The following ADGRL3 variants were observed in gnomAD, a reference collection of about 807,000 sequenced individuals.
The protein encoded by ADGRL3 is calcium-independent alpha-latrotoxin receptor 3.
Under a neutral mutation model 153.5 loss-of-function variants are expected in ADGRL3, and 62 were observed. The ratio of observed to expected loss-of-function variants is 0.40; its 90% CI spans 0.33 to 0.50. ADGRL3 has a LOEUF of 0.50. ADGRL3 is among the 20% of genes least tolerant of loss of function. ADGRL3 has a pLI of 0.47. For synonymous variants in ADGRL3, 710 were observed against 672.5 expected (o/e 1.06, Z -0.86); for missense variants, 1,641 against 1,859.4 (o/e 0.88, Z 2.16).
chr4:61,255,148 GAC>G (rs2091837162), intron 1 of ADGRL3, among the ~76,000 whole-genome samples: 1 of 152,136 alleles, frequency 6.6e-6, no homozygotes, highest in Non-Finnish European at 1.5e-5. Context: ...ATTTGTTGCT[GAC>G]AGTCAGGGTT....
chr4:61,963,154 A>AT (rs929678560), intron 17 of ADGRL3, among the ~76,000 whole-genome samples: 1 of 150,028 alleles, frequency 6.7e-6, no homozygotes, highest in African/African-American at 2.4e-5. Flanking sequence ...TGCAATATAT[A>AT]TTTTTTCAAT....
At position 61,643,828 on chromosome 4, in the gene ADGRL3, C is replaced by T. The variant is rs1480009270; in HGVS notation, c.474-32998C>T. ...TAAAATGAGTTAGGGAGGATTCCCT[C>T]TTTTTCTATTGATTGGAATAGTTTC... is the stretch of plus-strand genomic sequence containing the variant. On this transcript the variant is annotated intron_variant, in intron 5 of 26. Coordinates refer to ENST00000683033, the MANE Select transcript of ADGRL3 (RefSeq NM_001387552.1). Among the ~76,000 whole-genome samples the T allele has an allele frequency of 3.5e-3, 512 of 146,758 alleles. 20 individuals are homozygous for T. The highest frequency in any genetic ancestry group is 0.03 in the Admixed American group (437 of 14,422).
At chr4:61,296,824 G>T (rs558545753) in intron 1 of ADGRL3, among the ~76,000 whole-genome samples, 11 of 152,072 alleles carry the variant, frequency 7.2e-5, no homozygotes, top group African/African-American at 2.7e-4. Flanking sequence ...ATATTACTTC[G>T]TGAAAGAAGC....
intron 12 of ADGRL3, 46 bp downstream of exon 12, chr4:61,909,791 G>A (rs1370943827): frequency 2.9e-6 from 4 of 1,382,640 alleles, no homozygotes; most frequent in South Asian, 2.9e-5. Flanking sequence ...GTGTGTGTGT[G>A]TGTGTGTGTG....
chr4:61,375,596 T>G (rs565847523), intron 1 of ADGRL3, among the ~76,000 whole-genome samples: 21 of 152,260 alleles, frequency 1.4e-4, no homozygotes, highest in Admixed American at 1.2e-3. Flanking sequence ...AATGGTAGAG[T>G]GCTTAAATAA....
chr4:61,834,311 A>G (rs567525913), intron 9 of ADGRL3, among the ~76,000 whole-genome samples: 1 of 152,208 alleles, frequency 6.6e-6, no homozygotes, highest in South Asian at 2.1e-4. Context: ...TTATGGCTGC[A>G]TAGTATTCCA....
intron 6 of ADGRL3, among the ~76,000 whole-genome samples, chr4:61,713,121 A>G (rs764487991): frequency 5.3e-5 from 8 of 152,170 alleles, no homozygotes; most frequent in Non-Finnish European, 8.8e-5. Flanking sequence ...GCATGTTACT[A>G]TATCGCTAGC....
intron 9 of ADGRL3, among the ~76,000 whole-genome samples, chr4:61,844,300 C>G (rs2098080299): frequency 6.6e-6 from 1 of 151,222 alleles, no homozygotes; most frequent in South Asian, 2.1e-4. Flanking sequence ...GTAATCCCAG[C>G]ACTTTGGGAG....
At chr4:61,882,516 A>G (rs980697978) in intron 9 of ADGRL3, among the ~76,000 whole-genome samples, 22 of 152,108 alleles carry the variant, frequency 1.4e-4, no homozygotes, top group Admixed American at 9.2e-4. Context: ...GTATGACATC[A>G]TTTCTTTGCT....
At chr4:62,003,966 A>G (rs1434203453) in intron 21 of ADGRL3, among the ~76,000 whole-genome samples, 1 of 152,136 alleles carries the variant, frequency 6.6e-6, no homozygotes, top group Non-Finnish European at 1.5e-5. Flanking sequence ...TCAGGGATGA[A>G]TAGTAAAATA....
At chr4:61,927,666 G>A (rs1048725486) in intron 13 of ADGRL3, among the ~76,000 whole-genome samples, 1 of 152,102 alleles carries the variant, frequency 6.6e-6, no homozygotes, top group African/African-American at 2.4e-5. Flanking sequence ...AAACCTGCAA[G>A]TTATAAACTG....
chr4:61,286,429 AT>A (rs1387235535), intron 1 of ADGRL3, among the ~76,000 whole-genome samples: 1 of 151,296 alleles, frequency 6.6e-6, no homozygotes, highest in African/African-American at 2.4e-5. Flanking sequence ...AAGGATGTTG[AT>A]TTTTTATAGT....
intron 2 of ADGRL3, among the ~76,000 whole-genome samples, chr4:61,452,277 G>T (rs553726329): frequency 6.6e-6 from 1 of 152,212 alleles, no homozygotes; most frequent in African/African-American, 2.4e-5. Context: ...GGGGGAACAG[G>T]CTGAGGCCTC....
intron 1 of ADGRL3, among the ~76,000 whole-genome samples, chr4:61,325,837 G>C (rs2095453103): frequency 6.6e-6 from 1 of 152,186 alleles, no homozygotes; most frequent in African/African-American, 2.4e-5. Context: ...AAATAGAGAA[G>C]AGAGTCATTA....
intron 11 of ADGRL3, among the ~76,000 whole-genome samples, chr4:61,902,900 G>A (rs182064357): frequency 6.6e-6 from 1 of 152,110 alleles, no homozygotes; most frequent in Admixed American, 6.5e-5. Flanking sequence ...CTCTTTCCAT[G>A]GCTAGTATAT....
At chr4:61,497,369 G>A (rs752606162) in intron 3 of ADGRL3, 21 bp downstream of exon 3, 3 of 1,549,004 alleles carry the variant, frequency 1.9e-6, no homozygotes, top group Non-Finnish European at 1.8e-6. Flanking sequence ...TCAGATTTTT[G>A]TGTAATGCTT....
At chr4:62,005,037 A>G (rs1363034732) in intron 21 of ADGRL3, among the ~76,000 whole-genome samples, 2 of 152,280 alleles carry the variant, frequency 1.3e-5, no homozygotes, top group South Asian at 2.1e-4. Context: ...TAATGACACT[A>G]CTAGACTTGC....
intron 1 of ADGRL3, among the ~76,000 whole-genome samples, chr4:61,319,754 T>C (rs2095314603): frequency 6.6e-6 from 1 of 152,232 alleles, no homozygotes; most frequent in Non-Finnish European, 1.5e-5. Context: ...TAATTAATTC[T>C]ATTTTAATGT....
At chr4:61,967,329 T>C (rs946774385) in intron 17 of ADGRL3, among the ~76,000 whole-genome samples, 1 of 152,154 alleles carries the variant, frequency 6.6e-6, no homozygotes, top group Non-Finnish European at 1.5e-5. Context: ...TTTAATAAAA[T>C]AACTATGGCA....
Sources: allele counts gnomAD v4.1 joint callset (sites outside exome capture counted in the v4.1 genomes callset), GRCh38; gene constraint gnomAD v4.1.1; transcripts MANE v1.5; gene names NCBI Gene and HGNC (gene_info 2026-07-23, HGNC 2026-07-21).